Variants in TTC28 observed in about 807,000 individuals in gnomAD.
TTC28 encodes tetratricopeptide repeat protein 28.
Under a neutral mutation model 198.0 loss-of-function variants are expected in TTC28, and 61 were observed. The ratio of observed to expected loss-of-function variants is 0.31; its 90% CI spans 0.25 to 0.38. TTC28 has a LOEUF of 0.38. Ranked by LOEUF, TTC28 falls within the 10% of genes least tolerant of loss-of-function variation. TTC28 has a pLI of 1.00. For synonymous variants in TTC28, 1,171 were observed against 1,297.8 expected, an observed-to-expected ratio of 0.90 and a Z score of 2.10; for missense variants, 2,678 against 3,164.0, an observed-to-expected ratio of 0.85 and a Z score of 3.69.
At chr22:28,533,277 G>A (rs1260812044) in intron 2 of TTC28, among the ~76,000 whole-genome samples, 1 of 152,078 alleles carries the variant, frequency 6.6e-6, no homozygotes, top group East Asian at 1.9e-4. Flanking sequence ...GACAAACAGA[G>A]AGCCAAATCA....
At chr22:28,410,576 T>C (rs1374236845) in intron 2 of TTC28, among the ~76,000 whole-genome samples, 1 of 152,210 alleles carries the variant, frequency 6.6e-6, no homozygotes, top group Non-Finnish European at 1.5e-5. Flanking sequence ...CTGTGAATCC[T>C]AAGCACAGAC....
rs572294156 is a variant in TTC28, at chr22:28,621,576, AT to A, written c.381+7975del. ...AAAAAAAATAATAATAATAAAAAAA[AT>A]AAAAAGTTTAAAAAAAATAGCTAGG... On this transcript the variant is annotated intron_variant, in intron 2 of 22. Transcript: ENST00000397906. Among the ~76,000 whole-genome samples, 421 of 151,260 alleles carry A rather than the reference AT, an allele frequency of 2.8e-3. 1 individual carries two copies. Among genetic ancestry groups the A allele is most frequent in the African/African-American group, 9.5e-3 (392 of 41,394 alleles).
chr22:27,989,757 G>T, intron 21 of TTC28, 121 bp downstream of exon 21: 2 of 1,328,882 alleles, frequency 1.5e-6, no homozygotes, highest in Non-Finnish European at 2.0e-6. Context: ...TGAGTTAACT[G>T]TTTTAAGATA....
At chr22:28,131,446 C>T (rs1268774128) in intron 6 of TTC28, among the ~76,000 whole-genome samples, 3 of 152,214 alleles carry the variant, frequency 2.0e-5, no homozygotes, top group Non-Finnish European at 4.4e-5. Context: ...CACTTCTGTA[C>T]ACCGTAGCAT....
intron 12 of TTC28, among the ~76,000 whole-genome samples, chr22:28,051,040 G>C (rs1021734100): frequency 1.3e-5 from 2 of 152,120 alleles, no homozygotes; most frequent in Non-Finnish European, 2.9e-5. Context: ...ATTTGGTCTC[G>C]ATAAGAGACC....
intron 6 of TTC28, among the ~76,000 whole-genome samples, chr22:28,161,256 G>A (rs1486825481): frequency 6.6e-6 from 1 of 152,204 alleles, no homozygotes; most frequent in Non-Finnish European, 1.5e-5. Flanking sequence ...GAATCACCAA[G>A]TGCAGTGGCT....
At chr22:28,216,210 C>T (rs556108931) in intron 5 of TTC28, among the ~76,000 whole-genome samples, 1 of 152,244 alleles carries the variant, frequency 6.6e-6, no homozygotes, top group South Asian at 2.1e-4. Context: ...GCTTAGAGTA[C>T]ACTATGAAGA....
intron 12 of TTC28, among the ~76,000 whole-genome samples, chr22:28,062,122 A>G (rs879530872): frequency 6.6e-6 from 1 of 151,914 alleles, no homozygotes; most frequent in Non-Finnish European, 1.5e-5. Flanking sequence ...ATTTCAGCTC[A>G]CTGCAACCTC....
At chr22:28,218,301 C>T (rs1351959899) in intron 5 of TTC28, among the ~76,000 whole-genome samples, 1 of 152,070 alleles carries the variant, frequency 6.6e-6, no homozygotes, top group African/African-American at 2.4e-5. Context: ...CAAATGTTGA[C>T]AATTTCATTA....
chr22:28,227,273 A>G lies in TTC28; in HGVS notation c.934-63674T>C, dbSNP rs189388662. On this transcript the variant is annotated intron_variant, in intron 5 of 22. Transcript: ENST00000397906. ...ATGAAAGACCTAAACTCAAGAGCTA[A>G]AACTATAAAACTCTTAGAATAAAAC... 6.0e-4 allele frequency among the ~76,000 whole-genome samples: 92 copies of G among 152,292 alleles called. 1 individual carries two copies. Among genetic ancestry groups the G allele is most frequent in the African/African-American group, 1.6e-3 (66 of 41,558 alleles).
chr22:28,322,356 A>T (rs114357299), intron 2 of TTC28, among the ~76,000 whole-genome samples: 2,664 of 152,210 alleles, frequency 0.018, 38 homozygotes, highest in Non-Finnish European at 0.026. Flanking sequence ...ATAAAAAAAA[A>T]TTTTTTGACT....
At chr22:28,398,410 AGAAAACATG>A (rs2046850434) in intron 2 of TTC28, among the ~76,000 whole-genome samples, 1 of 152,250 alleles carries the variant, frequency 6.6e-6, no homozygotes, top group South Asian at 2.1e-4. Flanking sequence ...AGGAGGGGCA[AGAAAACATG>A]GGAACAAAAA....
intron 6 of TTC28, among the ~76,000 whole-genome samples, chr22:28,137,866 T>C (rs941092542): frequency 3.3e-5 from 5 of 151,774 alleles, no homozygotes; most frequent in Admixed American, 6.6e-5. Context: ...AATACAAAAA[T>C]CAGCAGAGCA....
intron 5 of TTC28, among the ~76,000 whole-genome samples, chr22:28,273,191 T>C (rs950855169): frequency 5.3e-5 from 8 of 152,200 alleles, no homozygotes; most frequent in African/African-American, 1.9e-4. Flanking sequence ...AAGGAAATGT[T>C]ATCTAGAGGA....
intron 2 of TTC28, among the ~76,000 whole-genome samples, chr22:28,447,712 C>G (rs1043859650): frequency 2.0e-5 from 3 of 152,148 alleles, no homozygotes; most frequent in Non-Finnish European, 4.4e-5. Flanking sequence ...AATCTGAGAA[C>G]AGTAAACTGT....
At chr22:28,579,135 C>CAT (rs1435276611) in intron 2 of TTC28, among the ~76,000 whole-genome samples, 1 of 148,232 alleles carries the variant, frequency 6.7e-6, no homozygotes, top group Non-Finnish European at 1.5e-5. Flanking sequence ...TACATATAGC[C>CAT]ATATATGTAT....
At chr22:28,536,833 T>C (rs1189193432) in intron 2 of TTC28, among the ~76,000 whole-genome samples, 1 of 152,024 alleles carries the variant, frequency 6.6e-6, no homozygotes, top group Non-Finnish European at 1.5e-5. Context: ...ACAAAAAACA[T>C]GTAACACTGG....
intron 5 of TTC28, among the ~76,000 whole-genome samples, chr22:28,225,402 A>G (rs1244843828): frequency 2.1e-5 from 3 of 139,980 alleles, no homozygotes; most frequent in Admixed American, 7.7e-5. Flanking sequence ...GAAGAAGAAG[A>G]AAGAAGAAGA....
chr22:27,995,181 C>T (rs1293359039), intron 17 of TTC28, among the ~76,000 whole-genome samples: 1 of 152,234 alleles, frequency 6.6e-6, no homozygotes, highest in Admixed American at 6.5e-5. Flanking sequence ...GCCCAGGAGA[C>T]ATGCTCACTC....
Sources: allele counts gnomAD v4.1 joint callset (sites outside exome capture counted in the v4.1 genomes callset), GRCh38; gene constraint gnomAD v4.1.1; transcripts MANE v1.5; gene names NCBI Gene and HGNC (gene_info 2026-07-23, HGNC 2026-07-21).